The following PLCB3 variants were observed in gnomAD, a reference collection of about 807,000 sequenced individuals.
The protein encoded by PLCB3 is phospholipase C beta 3.
A neutral mutation model predicts 152.1 loss-of-function variants in PLCB3; 54 were observed. The ratio of observed to expected loss-of-function variants is 0.36; its 90% CI spans 0.29 to 0.45. The LOEUF (loss-of-function observed/expected upper bound fraction) is 0.45, where lower values mean the gene tolerates loss of function less well. Among genes scored for constraint, PLCB3 ranks in the 20% least tolerant of loss-of-function variants. The probability of loss-of-function intolerance (pLI) is 1.00; values close to 1 mark genes in which losing one functional copy is unlikely to be tolerated. For synonymous variants in PLCB3, 717 were observed against 698.7 expected, an observed-to-expected ratio of 1.03 and a Z score of -0.41; for missense variants, 1,248 against 1,687.5, an observed-to-expected ratio of 0.74 and a Z score of 4.56.
rs145777645 is a variant in PLCB3, at chr11:64,260,206, C to T, written c.1703C>T (p.Thr568Ile). The T allele has an allele frequency of 2.5e-6, 4 of 1,576,824 alleles. No homozygotes were observed. Among genetic ancestry groups the T allele is most frequent in the Non-Finnish European group, 3.4e-6 (4 of 1,160,532 alleles). The change falls in exon 14 of 31, where the codon ACA becomes ATA. Residue 568 changes from threonine to isoleucine, a missense_variant. Transcript: ENST00000279230. ...EEEDEEEEEQTDPKKPTTDEG... is the reference protein window; with the variant it reads ...EEEDEEEEEQIDPKKPTTDEG... ...GAAGATGAGGAAGAGGAGGAACAGA[C>T]AGACCCCAAAAAGCCAACTACAGAT...
In PLCB3 at chr11:64,255,098, C is replaced by T; in HGVS notation, c.387+60C>T. The T allele has an allele frequency of 6.4e-7, 1 of 1,566,188 alleles. No individual in the cohort carries two copies. Among genetic ancestry groups the T allele is most frequent in the African/African-American group, 1.3e-5 (1 of 74,112 alleles). ...CTGTCTTATTCTGTGAGTCGGCCGT[C>T]ACTTACCGAACACCTGCTGTGTTCT... On this transcript the variant is annotated intron_variant, in intron 4 of 30. Coordinates refer to ENST00000279230, the MANE Select transcript of PLCB3 (RefSeq NM_000932.5). This position sits in a 1 kb window ranked among gnomAD's most constrained non-coding sequence, Gnocchi z 6.8.
chr11:64,263,927 C>G, intron 21 of PLCB3, 94 bp from the exon 22 acceptor site: 1 of 1,204,528 alleles, frequency 8.3e-7, no homozygotes, highest in East Asian at 2.3e-5. Flanking sequence ...GATCTGAGGA[C>G]AAGCTCTGGA....
chr11:64,265,115 G>A lies in PLCB3; in HGVS notation c.2806+11G>A. 1 of 1,552,534 alleles carries A rather than the reference G, an allele frequency of 6.4e-7. No individual in the cohort carries two copies. Among genetic ancestry groups the A allele is most frequent in the Non-Finnish European group, 8.7e-7 (1 of 1,146,430 alleles). On this transcript the variant is annotated intron_variant, in intron 23 of 30. Transcript: ENST00000279230. ...CCCTCAGCAGCCCAGGTAAGGAGTG[G>A]CCTGGGTCGGGGGTGGGCTGCAGGG...
chr11:64,256,480 G>A lies in PLCB3; in HGVS notation c.803G>A (p.Arg268Gln). The A allele has an allele frequency of 2.5e-6, 4 of 1,613,802 alleles. No individual in the cohort carries two copies. Among genetic ancestry groups the A allele is most frequent in the Admixed American group, 1.7e-5 (1 of 60,024 alleles). ...AACGAAGTGCTGTACCCGCCCCTGC[G>A]GCCCTCCCAGGCCCGGCTGCTCATC... ...RLNEVLYPPLRPSQARLLIEK... is the reference protein window; with the variant it reads ...RLNEVLYPPLQPSQARLLIEK... The change falls in exon 9 of 31, where the codon CGG (arginine) becomes CAG (glutamine). Residue 268 changes from arginine (R) to glutamine (Q), a missense_variant. By Grantham distance (43) the Arg-to-Gln change is conservative. Coordinates refer to ENST00000279230, the MANE Select transcript of PLCB3 (RefSeq NM_000932.5).
Position 64,261,958 on chromosome 11 carries a change from C to A in PLCB3, c.1920C>A (p.Asn640Lys). 6.2e-7 allele frequency: 1 copy of A among 1,614,138 alleles called. No individual in the cohort carries two copies. The highest frequency in any genetic ancestry group is 8.5e-7 in the Non-Finnish European group (1 of 1,179,998). Reference sequence around the variant, plus strand: ...CCCTGACCACCAATCTCAGATACAACAAGCAGCAGCTCAGCCGCATCTACC... The same window carrying A: ...CCCTGACCACCAATCTCAGATACAAAAAGCAGCAGCTCAGCCGCATCTACC... ...TKSPMEFVEY[N>K]KQQLSRIYPK... The change falls in exon 17 of 31, where the codon AAC becomes AAA. Residue 640 changes from asparagine (N) to lysine (K), a missense_variant. By Grantham distance (94) the Asn-to-Lys change is moderately conservative. Around this residue, in one of 6 missense-constraint regions of PLCB3, gnomAD observed 244 missense variants for 424.4 expected, o/e 0.57. Coordinates refer to ENST00000279230, the MANE Select transcript of PLCB3 (RefSeq NM_000932.5).
chr11:64,269,153 C>G (rs2032299922), downstream of PLCB3: 2 of 152,552 alleles, frequency 1.3e-5, no homozygotes, highest in Admixed American at 1.3e-4. Flanking sequence ...CCCTAGAAGC[C>G]TGGCCTCTGC....
Position 64,265,921 on chromosome 11 carries a change from G to A in PLCB3, c.3071G>A (p.Gly1024Glu), listed in dbSNP as rs750293397. The A allele has an allele frequency of 6.2e-7, 1 of 1,613,476 alleles. No homozygotes were observed. Among genetic ancestry groups the A allele is most frequent in the East Asian group, 2.2e-5 (1 of 44,870 alleles). ...GCTGATGTGGAGGACACGAAGGAGG[G>A]GGAGGACGAGGCAAAGCGGTATCAG... ...GAADVEDTKEGEDEAKRYQEF... is the reference protein window; with the variant it reads ...GAADVEDTKEEEDEAKRYQEF... Residue 1024 changes from glycine (G) to glutamate (E), a missense_variant, in exon 26 of 31, where the codon GGG (glycine) becomes GAG (glutamate). Around this residue, in one of 6 missense-constraint regions of PLCB3, gnomAD observed 477 missense variants for 489.6 expected, o/e 0.97. Transcript: ENST00000279230.
rs759493346 is a variant in PLCB3, at chr11:64,262,535, A to G, written c.2167A>G (p.Ile723Val). Reference sequence around the variant, plus strand: ...CTTCACTGAGGTCATCGTGGATGGCATCGTGGCCAATGCCTTGCGGGTCAA... The same window carrying G: ...CTTCACTGAGGTCATCGTGGATGGCGTCGTGGCCAATGCCTTGCGGGTCAA... ...DPFTEVIVDG[I>V]VANALRVKVI... is the part of the protein sequence containing the mutation. The change falls in exon 18 of 31, where the codon ATC (isoleucine) becomes GTC (valine). Residue 723 changes from isoleucine to valine, a missense_variant. Physicochemically the swap from Ile to Val is conservative, Grantham distance 29. Coordinates refer to ENST00000279230, the MANE Select transcript of PLCB3 (RefSeq NM_000932.5). 3.7e-6 allele frequency: 6 copies of G among 1,613,918 alleles called. No homozygotes were observed. Among genetic ancestry groups the G allele is most frequent in the Non-Finnish European group, 5.1e-6 (6 of 1,179,972 alleles).
chr11:64,258,899 C>A lies in PLCB3; in HGVS notation c.1268C>A (p.Ala423Glu), dbSNP rs775163753. ...ENHVDSAKQQ[A>E]KMAEYCRSIF... ...CGGTTCCGCAGGGCAAAGCAACAGG[C>A]AAAGATGGCTGAGTACTGCCGCTCC... Residue 423 changes from alanine to glutamate, a missense_variant, in exon 12 of 31, where the codon GCA becomes GAA. By Grantham distance (107) the Ala-to-Glu change is moderately radical. Transcript: ENST00000279230. This position sits in a 1 kb window ranked among gnomAD's most constrained non-coding sequence, Gnocchi z 7.2. The A allele has an allele frequency of 6.2e-7, 1 of 1,614,004 alleles. No individual in the cohort carries two copies. Among genetic ancestry groups the A allele is most frequent in the East Asian group, 2.2e-5 (1 of 44,860 alleles).
downstream of PLCB3, among the ~76,000 whole-genome samples, chr11:64,268,249 G>A (rs1041162513): frequency 6.6e-6 from 1 of 152,170 alleles, no homozygotes; most frequent in Non-Finnish European, 1.5e-5. Context: ...TGACCCAAAC[G>A]CCTAGTATCT....
rs536151540 is a variant in PLCB3 at position 64,255,886 on chromosome 11, C to T, written c.698+65C>T. 1 of 1,236,472 alleles carries T rather than the reference C, an allele frequency of 8.1e-7. No homozygotes were observed. The highest frequency in any genetic ancestry group is 2.3e-5 in the East Asian group (1 of 42,946). 76.6% of individuals were successfully genotyped at this position (1,236,472 alleles called of 1,614,324 possible). On this transcript the variant is annotated intron_variant, in intron 8 of 30. Transcript: ENST00000279230. This position sits in a 1 kb window ranked among gnomAD's most constrained non-coding sequence, Gnocchi z 6.8. The stretch of plus-strand genomic sequence containing the variant: ...TGTTTAGCTTCTGCTTAGCGTGCCT[C>T]TAGCTCAATGGGGAGAGGGGAAACT...
rs370659436 is a variant in PLCB3 at position 64,255,331 on chromosome 11, C to T, written c.467+18C>T. ...CGCAAAGCGTGAGCCCCAGGCCACC[C>T]GAGGGGGAGCCGGGGGGTTCACGTG... On this transcript the variant is annotated intron_variant, in intron 5 of 30. Transcript: ENST00000279230. This position sits in a 1 kb window ranked among gnomAD's most constrained non-coding sequence, Gnocchi z 6.8. The T allele has an allele frequency of 1.4e-5, 23 of 1,613,586 alleles. No individual in the cohort carries two copies. The highest frequency in any genetic ancestry group is 1.3e-4 in the African/African-American group (10 of 74,914).
In PLCB3 at chr11:64,255,623, G is replaced by A. The variant is rs760257692; in HGVS notation, c.597+7G>A. 1.9e-6 allele frequency: 3 copies of A among 1,611,792 alleles called. No individual in the cohort carries two copies. Among genetic ancestry groups the A allele is most frequent in the Admixed American group, 1.7e-5 (1 of 60,014 alleles). On this transcript the variant is annotated splice_region_variant and intron_variant, in intron 7 of 30. Coordinates refer to ENST00000279230, the MANE Select transcript of PLCB3 (RefSeq NM_000932.5). The surrounding 1 kb of genome is among the most constrained non-coding windows in gnomAD (Gnocchi z 6.8). ...TGGCCTCAAATTCAACCGGGTGTGT[G>A]GGGTGGGGACAGGGGCGGGGTGGGG...
Position 64,267,229 on chromosome 11 carries a change from G to A in PLCB3, c.3459G>A (p.Gly1153=). 1 of 1,550,488 alleles carries A rather than the reference G, an allele frequency of 6.4e-7. No individual in the cohort carries two copies. Among genetic ancestry groups the A allele is most frequent in the South Asian group, 1.2e-5 (1 of 84,030 alleles). Residue 1153 remains glycine (G), a synonymous_variant, in exon 30 of 31, where the codon GGG becomes GGA. Coordinates refer to ENST00000279230, the MANE Select transcript of PLCB3 (RefSeq NM_000932.5). The surrounding 1 kb of genome is among the most constrained non-coding windows in gnomAD (Gnocchi z 5.2). ...AGCGGCATGACCGTCTTGTGGCTGG[G>A]CAGCAGCAGGTCCTGCAACAGCTGG... The part of the protein sequence containing the change: ...QKQRHDRLVA[G]QQQVLQQLAE...
chr11:64,262,713 C>T lies in PLCB3; in HGVS notation c.2260C>T (p.Leu754Phe). 6.2e-7 allele frequency: 1 copy of T among 1,613,942 alleles called. No individual in the cohort carries two copies. Among genetic ancestry groups the T allele is most frequent in the Non-Finnish European group, 8.5e-7 (1 of 1,180,004 alleles). ...GIYVEVDMFG[L>F]PVDTRRKYRT... ...CTACGTGGAGGTGGACATGTTTGGC[C>T]TCCCTGTTGATACGCGGCGCAAGTA... Residue 754 changes from leucine to phenylalanine, a missense_variant, in exon 19 of 31, where the codon CTC becomes TTC. By Grantham distance (22) the Leu-to-Phe change is conservative. This residue lies in a region of PLCB3 where 244 missense variants were observed against 424.4 expected (regional missense o/e 0.57). Transcript: ENST00000279230.
chr11:64,255,366 A>G lies in PLCB3; in HGVS notation c.468-30A>G. 6.2e-7 allele frequency: 1 copy of G among 1,614,000 alleles called. No homozygotes were observed. Among genetic ancestry groups the G allele is most frequent in the Non-Finnish European group, 8.5e-7 (1 of 1,179,946 alleles). ...CCGGGGGGTTCACGTGGCCGTTTTC[A>G]GGGTGTGACCTCTTCATCTGCCTTC... On this transcript the variant is annotated intron_variant, in intron 5 of 30. Coordinates refer to ENST00000279230, the MANE Select transcript of PLCB3 (RefSeq NM_000932.5). The surrounding 1 kb of genome is among the most constrained non-coding windows in gnomAD (Gnocchi z 6.8).
rs1410072096 is a variant in PLCB3 at position 64,266,429 on chromosome 11, A to T, written c.3356+25A>T. 1 of 1,601,354 alleles carries T rather than the reference A, an allele frequency of 6.2e-7. No homozygotes were observed. The highest frequency in any genetic ancestry group is 8.6e-7 in the Non-Finnish European group (1 of 1,168,666). On this transcript the variant is annotated intron_variant, in intron 28 of 30. Transcript: ENST00000279230. The surrounding 1 kb of genome is among the most constrained non-coding windows in gnomAD (Gnocchi z 4.9). ...CGTAAGGGCACCGGGACCGGGGGCC[A>T]TCTGGGTACTGGGGAGGCAGGGCAG...
At position 64,266,418 on chromosome 11, in the gene PLCB3, G is replaced by A. The variant is rs886602537; in HGVS notation, c.3356+14G>A. ...TAAGAAGGAGGCGTAAGGGCACCGG[G>A]ACCGGGGGCCATCTGGGTACTGGGG... On this transcript the variant is annotated intron_variant, in intron 28 of 30. Transcript: ENST00000279230. This position sits in a 1 kb window ranked among gnomAD's most constrained non-coding sequence, Gnocchi z 4.9. 3 of 1,601,794 alleles carry A rather than the reference G, an allele frequency of 1.9e-6. No homozygotes were observed. In the African/African-American group the frequency reaches 4.0e-5, roughly 21 times the overall value.
At chr11:64,254,379 C>T in intron 1 of PLCB3, 36 bp from the exon 2 acceptor site, 1 of 1,572,390 alleles carries the variant, frequency 6.4e-7, no homozygotes. Flanking sequence ...CCACAGCCCT[C>T]ACTTCCTGAC....
Sources: allele counts gnomAD v4.1 joint callset (sites outside exome capture counted in the v4.1 genomes callset), GRCh38; gene constraint gnomAD v4.1.1; regional missense constraint gnomAD v4.1.1; non-coding constraint Gnocchi (gnomAD v3.1); transcripts MANE v1.5; gene names NCBI Gene and HGNC (gene_info 2026-07-23, HGNC 2026-07-21).